The following NEK6 variants were observed in gnomAD, a reference collection of about 807,000 sequenced individuals.
NEK6 encodes the protein NIMA related kinase 6, also known as serine/threonine-protein kinase Nek6.
In NEK6, 27 loss-of-function variants were observed where a neutral mutation model predicts 43.5. The ratio of observed to expected loss-of-function variants is 0.62; its 90% CI spans 0.46 to 0.86. The LOEUF (loss-of-function observed/expected upper bound fraction) is 0.86, where lower values mean the gene tolerates loss of function less well. NEK6 is among the 40% of genes least tolerant of loss of function. The pLI is 0.00. For missense variants in NEK6, 318 were observed against 414.4 expected, an observed-to-expected ratio of 0.77 and a Z score of 2.02; for synonymous variants, 167 against 164.1, an observed-to-expected ratio of 1.02 and a Z score of -0.14.
Position 124,310,646 on chromosome 9 carries a change from G to A in NEK6, c.91-1863G>A, listed in dbSNP as rs1431088935. On this transcript the variant is annotated intron_variant, in intron 2 of 9. Coordinates refer to ENST00000320246, the MANE Select transcript of NEK6 (RefSeq NM_014397.6). ...ATGGAGTCTCACCGTCACCCAGGCT[G>A]GAGTGCAGTAGCACGATCTAGGCCA... 2.0e-5 allele frequency among the ~76,000 whole-genome samples: 3 copies of A among 152,282 alleles called. No homozygotes were observed. The East Asian group carries it at 5.8e-4, about 29-fold the overall frequency.
intron 5 of NEK6, among the ~76,000 whole-genome samples, chr9:124,323,348 C>T (rs1022116175): frequency 6.6e-6 from 1 of 152,190 alleles, no homozygotes; most frequent in Non-Finnish European, 1.5e-5. Context: ...CACCGGATCA[C>T]GTAGGGCCTG....
chr9:124,270,672 C>T (rs907073832), intron 1 of NEK6, among the ~76,000 whole-genome samples: 1 of 152,200 alleles, frequency 6.6e-6, no homozygotes, highest in Non-Finnish European at 1.5e-5. Flanking sequence ...CACACCTGCC[C>T]CCGACCCTCC....
intron 7 of NEK6, among the ~76,000 whole-genome samples, chr9:124,339,322 G>A (rs1411659045): frequency 2.7e-5 from 4 of 146,770 alleles, no homozygotes; most frequent in Admixed American, 2.7e-4. Context: ...GTCTCGGTGG[G>A]TCCAGGGAAT....
intron 4 of NEK6, among the ~76,000 whole-genome samples, chr9:124,316,189 C>A (rs1833810023): frequency 6.6e-6 from 1 of 152,236 alleles, no homozygotes; most frequent in Non-Finnish European, 1.5e-5. Flanking sequence ...CATATCACAT[C>A]ATTCATGCAA....
At chr9:124,329,252 C>T (rs1450774970) in intron 7 of NEK6, among the ~76,000 whole-genome samples, 5 of 151,958 alleles carry the variant, frequency 3.3e-5, no homozygotes, top group African/African-American at 9.7e-5. Context: ...TGAAGGGCTT[C>T]GAAAAGACCA....
chr9:124,315,706 G>A (rs1833778936), intron 4 of NEK6, among the ~76,000 whole-genome samples: 1 of 152,106 alleles, frequency 6.6e-6, no homozygotes, highest in South Asian at 2.1e-4. Flanking sequence ...TGGTCACACA[G>A]ATGTGCCACC....
chr9:124,342,007 G>C (rs1464397042), intron 8 of NEK6, among the ~76,000 whole-genome samples: 1 of 152,174 alleles, frequency 6.6e-6, no homozygotes, highest in Non-Finnish European at 1.5e-5. Context: ...GCTGGTGTGT[G>C]TCCCCCAGGA....
At chr9:124,301,350 G>A (rs1832964396) in intron 1 of NEK6, among the ~76,000 whole-genome samples, 1 of 152,200 alleles carries the variant, frequency 6.6e-6, no homozygotes, top group Non-Finnish European at 1.5e-5. Context: ...GCTGAGGGGG[G>A]CTGTTCCTTT....
intron 2 of NEK6, among the ~76,000 whole-genome samples, chr9:124,307,856 C>G (rs1833335000): frequency 6.6e-6 from 1 of 152,196 alleles, no homozygotes; most frequent in East Asian, 1.9e-4. Flanking sequence ...AAGGTTACCG[C>G]CAGCCGCCGA....
chr9:124,336,732 G>A lies in NEK6; in HGVS notation c.623-2839G>A, dbSNP rs192589071. 3.1e-3 allele frequency among the ~76,000 whole-genome samples: 475 copies of A among 152,292 alleles called. 2 individuals carry two copies. Among genetic ancestry groups the A allele is most frequent in the African/African-American group, 0.011 (456 of 41,550 alleles). The stretch of plus-strand genomic sequence containing the variant: ...AACCTTAAAAATCCAGGCCAGGCTG[G>A]GTGCAGTGGCTCACACCTATAATCC... On this transcript the variant is annotated intron_variant, in intron 7 of 9. Coordinates refer to ENST00000320246, the MANE Select transcript of NEK6 (RefSeq NM_014397.6).
At chr9:124,328,611 G>A (rs187632147) in intron 7 of NEK6, among the ~76,000 whole-genome samples, 23 of 152,340 alleles carry the variant, frequency 1.5e-4, no homozygotes, top group Admixed American at 1.2e-3. Context: ...CCAGACCCCC[G>A]AGTGCCTGCG....
At chr9:124,281,448 C>G (rs548365266) in intron 1 of NEK6, among the ~76,000 whole-genome samples, 3 of 150,340 alleles carry the variant, frequency 2.0e-5, no homozygotes, top group African/African-American at 7.4e-5. Context: ...AAAGGAAGGC[C>G]TGGCTTGGCA....
At chr9:124,283,798 TC>T (rs1462695305) in intron 1 of NEK6, among the ~76,000 whole-genome samples, 1 of 152,234 alleles carries the variant, frequency 6.6e-6, no homozygotes, top group Non-Finnish European at 1.5e-5. Context: ...TGCTTCCCGT[TC>T]CGAGGAAAAA....
chr9:124,315,031 C>T (rs921349206), intron 4 of NEK6, among the ~76,000 whole-genome samples: 2 of 152,224 alleles, frequency 1.3e-5, no homozygotes, highest in South Asian at 2.1e-4. Flanking sequence ...GGCTGCCCGC[C>T]GAAGCCACAG....
chr9:124,312,560 G>A lies in NEK6; in HGVS notation c.142G>A (p.Glu48Lys), dbSNP rs148262318. The A allele has an allele frequency of 4.2e-5, 68 of 1,614,070 alleles. No individual in the cohort carries two copies. Among genetic ancestry groups the A allele is most frequent in the Admixed American group, 5.0e-5 (3 of 60,008 alleles). ...CTGCTCGCTGGCGGACTTCCAGATCGAAAAGAAGATAGGCCGAGGACAGTT... is the reference window on the plus strand; with the variant it reads ...CTGCTCGCTGGCGGACTTCCAGATCAAAAAGAAGATAGGCCGAGGACAGTT... ...FRCSLADFQI[E>K]KKIGRGQFSE... Residue 48 changes from glutamate (E) to lysine (K), a missense_variant, in exon 3 of 10, where the codon GAA becomes AAA. Transcript: ENST00000320246.
chr9:124,274,346 C>G (rs1294762494), intron 1 of NEK6, among the ~76,000 whole-genome samples: 2 of 152,200 alleles, frequency 1.3e-5, no homozygotes, highest in Non-Finnish European at 2.9e-5. Context: ...AAGGAGGGAC[C>G]CAGCATTTAT....
At chr9:124,333,857 A>G (rs953127171) in intron 7 of NEK6, among the ~76,000 whole-genome samples, 1 of 147,570 alleles carries the variant, frequency 6.8e-6, no homozygotes, top group Non-Finnish European at 1.5e-5. Flanking sequence ...GGCTCACTAC[A>G]ACCTTCACCT....
In NEK6 at chr9:124,347,618, A is replaced by G. The variant is rs867770796; in HGVS notation, c.718-91A>G. The G allele has an allele frequency of 1.4e-5, 11 of 766,734 alleles. No homozygotes were observed. The Middle Eastern group carries it at 2.2e-3, about 155-fold the overall frequency. The allele number at this position is 766,734 out of a possible 1,614,324, so 47.5% of individuals were successfully genotyped here. On this transcript the variant is annotated intron_variant, in intron 8 of 9. Transcript: ENST00000320246. The stretch of plus-strand genomic sequence containing the variant: ...CCGCGGTCGGGACCAGAGAGAACCC[A>G]TGCCCCAACAATCTGGAGCAGCCTC...
chr9:124,291,622 A>T (rs981866365), intron 1 of NEK6, among the ~76,000 whole-genome samples: 2 of 150,166 alleles, frequency 1.3e-5, no homozygotes, highest in African/African-American at 4.9e-5. Flanking sequence ...GCGAAACTCC[A>T]TCTCAAATAA....
Sources: allele counts gnomAD v4.1 joint callset (sites outside exome capture counted in the v4.1 genomes callset), GRCh38; gene constraint gnomAD v4.1.1; transcripts MANE v1.5; gene names NCBI Gene and HGNC (gene_info 2026-07-23, HGNC 2026-07-21).